LYN: variants seen among roughly 807,000 people sequenced by gnomAD.
The protein encoded by LYN is tyrosine-protein kinase Lyn.
LYN carries 12 observed loss-of-function variants against 65.0 expected under a neutral mutation model. The observed-to-expected ratio is 0.18, with a 90% CI of 0.12 to 0.30. The LOEUF (loss-of-function observed/expected upper bound fraction) is 0.30. Ranked by LOEUF, LYN falls within the 10% of genes least tolerant of loss-of-function variation. LYN has a pLI of 1.00. For synonymous variants in LYN, 222 were observed against 221.2 expected, an observed-to-expected ratio of 1.00 and a Z score of -0.03; for missense variants, 380 against 623.2, an observed-to-expected ratio of 0.61 and a Z score of 4.16.
chr8:55,947,118 G>A (rs1236802394), intron 3 of LYN, among the ~76,000 whole-genome samples: 1 of 152,130 alleles, frequency 6.6e-6, no homozygotes, highest in Non-Finnish European at 1.5e-5. Flanking sequence ...GCGTGGTGGT[G>A]GGCGCCTGTA....
At position 56,009,972 on chromosome 8, in the gene LYN, C is replaced by T. The variant is rs746963355; in HGVS notation, c.1401C>T (p.Asn467=). The T allele has an allele frequency of 2.5e-6, 4 of 1,614,074 alleles. No individual in the cohort carries two copies. The highest frequency in any genetic ancestry group is 1.1e-5 in the South Asian group (1 of 91,084). Residue 467 remains asparagine (N), a synonymous_variant, in exon 13 of 13, where the codon AAC becomes AAT. Coordinates refer to ENST00000519728, the MANE Select transcript of LYN (RefSeq NM_002350.4). The stretch of plus-strand genomic sequence containing the variant: ...GCTACAGGATGCCCCGTGTGGAGAA[C>T]TGCCCAGATGAGCTCTATGACATTA... The part of the protein sequence containing the change: ...SQGYRMPRVE[N]CPDELYDIMK...
Position 56,014,102 on chromosome 8 carries a change from AG to A in LYN, c.*3993del, listed in dbSNP as rs1808887455. 6.6e-6 allele frequency: 1 copy of A among 152,240 alleles called. No individual in the cohort carries two copies. Among genetic ancestry groups the A allele is most frequent in the Non-Finnish European group, 1.5e-5 (1 of 68,050 alleles). 9.4% of individuals were successfully genotyped at this position (152,240 alleles called of 1,614,324 possible). A position where few individuals can be genotyped will look rare whatever the true frequency, so the allele number is the denominator to read the frequency against. The stretch of plus-strand genomic sequence containing the variant: ...CAGCTGAGAGATCGGGAGCATTTAA[AG>A]CCACAGAAGGAATAGATTGGCTTCG... On this transcript the variant is annotated 3_prime_UTR_variant, in exon 13 of 13. Transcript: ENST00000519728.
At position 55,970,843 on chromosome 8, in the gene LYN, C is replaced by G. The variant is rs534888564; in HGVS notation, c.1050+1050C>G. On this transcript the variant is annotated intron_variant, in intron 10 of 12. Coordinates refer to ENST00000519728, the MANE Select transcript of LYN (RefSeq NM_002350.4). ...GCTATACCGCTTCCATTTCAGAAGCCCTTTGCCTATTTGGGCTACTTTATT... is the reference window on the plus strand; with the variant it reads ...GCTATACCGCTTCCATTTCAGAAGCGCTTTGCCTATTTGGGCTACTTTATT... Among the ~76,000 whole-genome samples, 46 of 151,906 alleles carry G rather than the reference C, an allele frequency of 3.0e-4. No individual in the cohort carries two copies. In the East Asian group the frequency reaches 8.1e-3, roughly 27 times the overall value.
chr8:55,997,360 A>G (rs919578237), intron 10 of LYN, among the ~76,000 whole-genome samples: 1 of 152,190 alleles, frequency 6.6e-6, no homozygotes, highest in African/African-American at 2.4e-5. Context: ...CCATAATAAA[A>G]TTCCATAGAC....
At position 55,880,111 on chromosome 8, in the gene LYN, C is replaced by A; in HGVS notation, c.-6+8C>A. 1 of 277,840 alleles carries A rather than the reference C, an allele frequency of 3.6e-6. No individual in the cohort carries two copies. Among genetic ancestry groups the A allele is most frequent in the Non-Finnish European group, 7.3e-6 (1 of 137,752 alleles). The allele number at this position is 277,840 out of a possible 1,614,324, so 17.2% of individuals were successfully genotyped here. On this transcript the variant is annotated splice_region_variant and intron_variant, in intron 1 of 12. Transcript: ENST00000519728. ...AACTTTCACCGCGAGCGGGTGAGTC[C>A]TCTGCGCGAGCCCAGGGGTGGGCGC...
chr8:56,002,484 C>T lies in LYN; in HGVS notation c.1336+2935C>T, dbSNP rs180977624. ...AAAAGTAGCCAGGTGTGGTGGTGCA[C>T]GCCTGTAATCCGGAGGCTGAGGAAG... On this transcript the variant is annotated intron_variant, in intron 12 of 12. Transcript: ENST00000519728. 1.7e-3 allele frequency among the ~76,000 whole-genome samples: 260 copies of T among 150,776 alleles called. 2 individuals are homozygous for T. The highest frequency in any genetic ancestry group is 5.0e-3 in the African/African-American group (206 of 41,250).
chr8:55,920,646 TTCCAAAG>T (rs1283360861), intron 1 of LYN, among the ~76,000 whole-genome samples: 1 of 152,160 alleles, frequency 6.6e-6, no homozygotes, highest in Non-Finnish European at 1.5e-5. Flanking sequence ...TTTCCCCTCA[TTCCAAAG>T]TCCTTTGCTG....
intron 10 of LYN, among the ~76,000 whole-genome samples, chr8:55,984,079 C>T (rs1443455575): frequency 6.6e-6 from 1 of 152,134 alleles, no homozygotes; most frequent in East Asian, 1.9e-4. Flanking sequence ...CTTCCGGTGG[C>T]CTCTGACCTT....
At chr8:55,967,000 A>G in intron 9 of LYN, 103 bp downstream of exon 9, 2 of 1,073,378 alleles carry the variant, frequency 1.9e-6, no homozygotes, top group Non-Finnish European at 2.6e-6. Context: ...ATCAAACAGT[A>G]TACCCACTAC....
At chr8:55,922,640 G>A (rs954702879) in intron 1 of LYN, among the ~76,000 whole-genome samples, 1 of 152,038 alleles carries the variant, frequency 6.6e-6, no homozygotes, top group African/African-American at 2.4e-5. Flanking sequence ...GGTGGCACAC[G>A]CCTGTAATCC....
At chr8:55,968,234 T>C (rs1807515526) in intron 9 of LYN, among the ~76,000 whole-genome samples, 1 of 152,148 alleles carries the variant, frequency 6.6e-6, no homozygotes. Flanking sequence ...TGAGTTTTCC[T>C]ATGTAACAAT....
chr8:55,924,835 A>G (rs779048759), intron 1 of LYN, among the ~76,000 whole-genome samples: 1 of 151,990 alleles, frequency 6.6e-6, no homozygotes, highest in Non-Finnish European at 1.5e-5. Context: ...GCTTAGTCCA[A>G]AGAATGGTTT....
chr8:55,896,050 T>C (rs957976947), intron 1 of LYN, among the ~76,000 whole-genome samples: 1 of 152,062 alleles, frequency 6.6e-6, no homozygotes, highest in African/African-American at 2.4e-5. Flanking sequence ...AGAGAACACC[T>C]TTTCTTTTAT....
At chr8:55,971,344 A>T (rs1351228066) in intron 10 of LYN, among the ~76,000 whole-genome samples, 2 of 152,240 alleles carry the variant, frequency 1.3e-5, no homozygotes, top group Non-Finnish European at 2.9e-5. Context: ...GGTTGGGCAC[A>T]GCTCTAGAAC....
chr8:55,984,430 C>T (rs2130558402), intron 10 of LYN, among the ~76,000 whole-genome samples: 1 of 152,374 alleles, frequency 6.6e-6, no homozygotes, highest in Non-Finnish European at 1.5e-5. Flanking sequence ...CCTGTGCCAG[C>T]AGCCATCTTC....
chr8:55,999,404 A>G lies in LYN; in HGVS notation c.1205-14A>G, dbSNP rs772918581. ...TTAAATACCCAAGTAAGAACCACAT[A>G]TCTTCTTCCTTAGGTGCTAAGTTCC... is the stretch of plus-strand genomic sequence containing the variant. On this transcript the variant is annotated splice_polypyrimidine_tract_variant and intron_variant, in intron 11 of 12. Coordinates refer to ENST00000519728, the MANE Select transcript of LYN (RefSeq NM_002350.4). 1.9e-6 allele frequency: 3 copies of G among 1,611,956 alleles called. No individual in the cohort carries two copies.
intron 1 of LYN, chr8:55,902,910 G>T (rs374629151): frequency 2.8e-6 from 1 of 352,890 alleles, no homozygotes; most frequent in Non-Finnish European, 5.5e-6. Flanking sequence ...GTGCAGCGGC[G>T]CAATCTCCAC....
intron 3 of LYN, 101 bp from the exon 4 acceptor site, chr8:55,947,517 C>T (rs1271485041): frequency 2.1e-5 from 17 of 800,092 alleles, no homozygotes; most frequent in Non-Finnish European, 3.4e-5. Flanking sequence ...CTTCCAGTTG[C>T]CCCCTCTTAG....
intron 1 of LYN, among the ~76,000 whole-genome samples, chr8:55,937,458 C>T (rs1489927663): frequency 1.3e-5 from 2 of 152,202 alleles, no homozygotes; most frequent in Non-Finnish European, 2.9e-5. Context: ...TAATGTGTCA[C>T]TTTGTTCTAA....
Sources: gnomAD v4.1 joint callset for allele counts (sites outside exome capture counted in the v4.1 genomes callset) on GRCh38, gnomAD v4.1.1 for gene constraint, MANE v1.5 for transcripts, NCBI Gene and HGNC (gene_info 2026-07-23, HGNC 2026-07-21) for gene names.